The following RIMS2 variants were observed in gnomAD, a reference collection of about 807,000 sequenced individuals.
RIMS2 encodes the protein regulating synaptic membrane exocytosis 2.
RIMS2 carries 59 observed loss-of-function variants against 174.4 expected under a neutral mutation model. That is an observed-to-expected ratio of 0.34 (90% CI 0.27 to 0.42). The LOEUF (loss-of-function observed/expected upper bound fraction) is 0.42, where lower values mean the gene tolerates loss of function less well. RIMS2 is among the 10% of genes least tolerant of loss of function. The pLI, the probability that RIMS2 is intolerant of heterozygous loss-of-function variation, is 1.00. For missense variants in RIMS2, 1,620 were observed against 1,666.3 expected, an observed-to-expected ratio of 0.97 and a Z score of 0.48; for synonymous variants, 606 against 572.5, an observed-to-expected ratio of 1.06 and a Z score of -0.84.
intron 1 of RIMS2, among the ~76,000 whole-genome samples, chr8:103,631,390 C>A (rs1241618088): frequency 6.6e-6 from 1 of 152,188 alleles, no homozygotes; most frequent in Non-Finnish European, 1.5e-5. Context: ...CGTAGAGATT[C>A]TTTTCCACAT....
At chr8:104,231,927 C>T (rs1309805044) in intron 19 of RIMS2, among the ~76,000 whole-genome samples, 5 of 152,126 alleles carry the variant, frequency 3.3e-5, no homozygotes, top group Admixed American at 1.3e-4. Flanking sequence ...TAGTGATTAC[C>T]TTATCATGCA....
intron 3 of RIMS2, among the ~76,000 whole-genome samples, chr8:103,776,270 G>T (rs1262136527): frequency 6.6e-6 from 1 of 152,092 alleles, no homozygotes; most frequent in Admixed American, 6.6e-5. Flanking sequence ...CAGGATGAAG[G>T]TACCACTACT....
exon 21 of RIMS2, chr8:104,248,733 A>G: frequency 6.2e-7 from 1 of 1,612,792 alleles, no homozygotes; most frequent in Non-Finnish European, 8.5e-7. Flanking sequence ...TTGGCCTCTG[A>G]TAGCCAGTTC....
intron 3 of RIMS2, among the ~76,000 whole-genome samples, chr8:103,820,019 G>C (rs968553458): frequency 6.6e-6 from 1 of 152,064 alleles, no homozygotes; most frequent in Non-Finnish European, 1.5e-5. Context: ...ATGTGAATTA[G>C]CTCCTGTAAA....
At chr8:103,857,614 C>T (rs1473595125) in intron 3 of RIMS2, among the ~76,000 whole-genome samples, 1 of 150,530 alleles carries the variant, frequency 6.6e-6, no homozygotes, top group African/African-American at 2.5e-5. Flanking sequence ...ATCATTAATT[C>T]CCCATGAGAT....
chr8:103,843,427 G>C (rs1017118522), intron 3 of RIMS2, among the ~76,000 whole-genome samples: 4 of 152,180 alleles, frequency 2.6e-5, no homozygotes, highest in African/African-American at 9.7e-5. Flanking sequence ...GTGCCTGTCT[G>C]TTCTTGATTT....
chr8:103,616,298 G>C (rs1198006545), intron 1 of RIMS2, among the ~76,000 whole-genome samples: 1 of 152,120 alleles, frequency 6.6e-6, no homozygotes, highest in South Asian at 2.1e-4. Flanking sequence ...ATGCAGAAAA[G>C]GCTTTTGATA....
At chr8:104,188,039 A>G (rs933580970) in intron 19 of RIMS2, among the ~76,000 whole-genome samples, 4 of 151,722 alleles carry the variant, frequency 2.6e-5, no homozygotes, top group Non-Finnish European at 5.9e-5. Flanking sequence ...AACATAGGAG[A>G]TGTAGAAGTA....
At chr8:103,580,783 G>C (rs1377862099) in intron 1 of RIMS2, among the ~76,000 whole-genome samples, 1 of 148,538 alleles carries the variant, frequency 6.7e-6, no homozygotes, top group Non-Finnish European at 1.5e-5. Context: ...CTAATACCAT[G>C]TCTACTCAAA....
chr8:103,819,363 T>C, intron 3 of RIMS2: 1 of 1,532,560 alleles, frequency 6.5e-7, no homozygotes, highest in South Asian at 1.2e-5. Context: ...TATCAACCTC[T>C]GTTCATTTAA....
chr8:103,688,093 C>T (rs1319656748), intron 1 of RIMS2, among the ~76,000 whole-genome samples: 2 of 152,002 alleles, frequency 1.3e-5, no homozygotes, highest in African/African-American at 4.8e-5. Context: ...TTATTTCTTT[C>T]TTATGCTTAA....
intron 2 of RIMS2, among the ~76,000 whole-genome samples, chr8:103,764,496 A>G (rs1247110543): frequency 6.6e-6 from 1 of 152,216 alleles, no homozygotes; most frequent in Non-Finnish European, 1.5e-5. Flanking sequence ...ATGGCATCAA[A>G]AGGCTGAGAT....
chr8:104,146,104 C>CCTGT (rs1301256198), intron 19 of RIMS2, among the ~76,000 whole-genome samples: 4 of 149,182 alleles, frequency 2.7e-5, no homozygotes, highest in African/African-American at 9.9e-5. Context: ...GTGGCTCAAG[C>CCTGT]CTGTAATCCC....
intron 19 of RIMS2, among the ~76,000 whole-genome samples, chr8:104,086,706 G>C (rs1319226430): frequency 6.6e-6 from 1 of 152,044 alleles, no homozygotes; most frequent in Non-Finnish European, 1.5e-5. Context: ...TTTACTTTAA[G>C]CTGTTCTTGC....
chr8:103,590,923 A>G (rs534529220), intron 1 of RIMS2, among the ~76,000 whole-genome samples: 1 of 151,004 alleles, frequency 6.6e-6, no homozygotes, highest in African/African-American at 2.4e-5. Flanking sequence ...AAATTGCTGG[A>G]TCGTAGGGCA....
chr8:103,964,935 G>A (rs1317797384), intron 15 of RIMS2, among the ~76,000 whole-genome samples: 2 of 152,018 alleles, frequency 1.3e-5, no homozygotes, highest in East Asian at 3.9e-4. Context: ...TATTGCCTTT[G>A]CTTTTATGTT....
chr8:103,749,409 G>A (rs2097858987), intron 2 of RIMS2, among the ~76,000 whole-genome samples: 1 of 152,106 alleles, frequency 6.6e-6, no homozygotes, highest in South Asian at 2.1e-4. Context: ...ACGGCGCCTG[G>A]CCACTTTCTA....
At chr8:103,819,682 C>A in intron 3 of RIMS2, 1 of 1,389,302 alleles carries the variant, frequency 7.2e-7, no homozygotes, top group Non-Finnish European at 1.0e-6. Context: ...TCAGAATAAT[C>A]TTATATGCCA....
intron 19 of RIMS2, among the ~76,000 whole-genome samples, chr8:104,078,606 G>A (rs544257597): frequency 1.3e-5 from 2 of 152,144 alleles, no homozygotes; most frequent in South Asian, 4.1e-4. Flanking sequence ...TGAAGACTAG[G>A]ACTTCAGTAT....
Sources: allele counts gnomAD v4.1 joint callset (sites outside exome capture counted in the v4.1 genomes callset), GRCh38; gene constraint gnomAD v4.1.1; transcripts MANE v1.5; gene names NCBI Gene and HGNC (gene_info 2026-07-23, HGNC 2026-07-21).